Variants in PIK3C2G observed in about 807,000 individuals in gnomAD.
PIK3C2G encodes the protein phosphatidylinositol 3-kinase C2 domain-containing subunit gamma.
A neutral mutation model predicts 181.1 loss-of-function variants in PIK3C2G; 168 were observed. That is an observed-to-expected ratio of 0.93 (90% CI 0.82 to 1.05). The LOEUF (loss-of-function observed/expected upper bound fraction) is 1.05. PIK3C2G is among the 50% of genes least tolerant of loss of function. The pLI is 0.00. For missense variants in PIK3C2G, 1,869 were observed against 1,732.8 expected (o/e 1.08, Z -1.40); for synonymous variants, 573 against 592.2 (o/e 0.97, Z 0.47).
chr12:18,664,352 G>A, the PIK3C2G span, among the ~76,000 whole-genome samples: 4 of 152,142 alleles, frequency 2.6e-5, no homozygotes, highest in African/African-American at 9.7e-5. Context: ...GTTCTCAATA[G>A]CTTGGGGAGT....
chr12:18,408,588 C>T (rs1362226293), intron 16 of PIK3C2G, among the ~76,000 whole-genome samples: 1 of 152,068 alleles, frequency 6.6e-6, no homozygotes, highest in Non-Finnish European at 1.5e-5. Context: ...AGAGCTTCTG[C>T]ACAGCAAAAG....
intron 28 of PIK3C2G, among the ~76,000 whole-genome samples, chr12:18,564,955 C>T (rs1945547451): frequency 6.6e-6 from 1 of 152,156 alleles, no homozygotes; most frequent in African/African-American, 2.4e-5. Flanking sequence ...TAATCTATCT[C>T]AATTGGCCTC....
chr12:18,282,503 T>C lies in PIK3C2G; in HGVS notation c.422T>C (p.Phe141Ser). The change falls in exon 2 of 33, where the codon TTC becomes TCC. Residue 141 changes from phenylalanine (F) to serine (S), a missense_variant. Transcript: ENST00000538779. ...GKHHGADDSR[F>S]SILAPSFTSL... is the part of the protein sequence containing the mutation. ...CATCATGGTGCTGATGATTCCAGAT[T>C]CAGTATTTTAGCTCCATCATTCACA... 1 of 1,612,416 alleles carries C rather than the reference T, an allele frequency of 6.2e-7. No homozygotes were observed. Among genetic ancestry groups the C allele is most frequent in the Non-Finnish European group, 8.5e-7 (1 of 1,178,744 alleles).
Position 18,570,524 on chromosome 12 carries a change from T to G in PIK3C2G, c.4011+3467T>G, listed in dbSNP as rs1339787591. ...TGTGCCCAGCCTGAGATGCACACTT[T>G]ATTAATACACACACTCAAGCAGCAA... On this transcript the variant is annotated intron_variant, in intron 29 of 32. Coordinates refer to ENST00000538779, the MANE Select transcript of PIK3C2G (RefSeq NM_001288772.2). 3.3e-5 allele frequency among the ~76,000 whole-genome samples: 5 copies of G among 150,186 alleles called. 1 individual carries two copies. Among genetic ancestry groups the G allele is most frequent in the African/African-American group, 1.3e-4 (5 of 39,980 alleles).
At chr12:18,288,559 A>AG (rs1257434487) in intron 3 of PIK3C2G, among the ~76,000 whole-genome samples, 1 of 152,210 alleles carries the variant, frequency 6.6e-6, no homozygotes, top group Non-Finnish European at 1.5e-5. Context: ...AATTCTAAAT[A>AG]GTACTTAGGA....
chr12:18,604,234 G>A (rs764819315), intron 30 of PIK3C2G, among the ~76,000 whole-genome samples: 1 of 152,154 alleles, frequency 6.6e-6, no homozygotes, highest in Non-Finnish European at 1.5e-5. Context: ...AAAGCGAGCA[G>A]GGTTAGCTAT....
chr12:18,318,613 G>A (rs1264854647), intron 6 of PIK3C2G, among the ~76,000 whole-genome samples: 1 of 151,760 alleles, frequency 6.6e-6, no homozygotes, highest in East Asian at 1.9e-4. Context: ...ATAATACTAG[G>A]AATATGACTA....
chr12:18,705,791 G>A, the PIK3C2G span, among the ~76,000 whole-genome samples: 6 of 152,000 alleles, frequency 3.9e-5, no homozygotes, highest in Admixed American at 6.6e-5. Context: ...ACTTGAACCC[G>A]GGAGGCAGAG....
chr12:18,636,768 G>C (rs1181483418), intron 31 of PIK3C2G, among the ~76,000 whole-genome samples: 3 of 152,132 alleles, frequency 2.0e-5, no homozygotes, highest in Non-Finnish European at 4.4e-5. Flanking sequence ...CCCAACCCCT[G>C]TGTCTTTCAA....
intron 18 of PIK3C2G, among the ~76,000 whole-genome samples, chr12:18,482,205 C>A (rs12817528): frequency 0.18 from 23,844 of 133,496 alleles, 2,336 homozygotes; most frequent in South Asian, 0.42. Context: ...TAGCCAAGAT[C>A]TAGCTTAGGA....
At chr12:18,539,764 C>A (rs187459094) in intron 25 of PIK3C2G, among the ~76,000 whole-genome samples, 1 of 151,928 alleles carries the variant, frequency 6.6e-6, no homozygotes, top group East Asian at 1.9e-4. Flanking sequence ...TCCACTTTGC[C>A]TTGAAAGATA....
chr12:18,382,267 T>C (rs1383284905), intron 14 of PIK3C2G, among the ~76,000 whole-genome samples: 3 of 152,192 alleles, frequency 2.0e-5, no homozygotes, highest in Admixed American at 6.5e-5. Context: ...TAAAATCTCT[T>C]CTGTTATATG....
chr12:18,698,461 T>C, the PIK3C2G span, among the ~76,000 whole-genome samples: 5 of 152,150 alleles, frequency 3.3e-5, no homozygotes, highest in African/African-American at 1.2e-4. Flanking sequence ...AGTTAGAGAA[T>C]ATGAACTAAA....
rs1353162233 is a variant in PIK3C2G at position 18,395,084 on chromosome 12, C to CTTTCTTTCT, written c.2126+3834_2126+3835insTCTTTCTTT. 7.5e-4 allele frequency among the ~76,000 whole-genome samples: 106 copies of CTTTCTTTCT among 141,580 alleles called. 2 individuals carry two copies. Among genetic ancestry groups the CTTTCTTTCT allele is most frequent in the Admixed American group, 6.8e-3 (94 of 13,844 alleles). 92.9% of individuals were successfully genotyped at this position (141,580 alleles called of 152,430 possible). ...CCTTCTTTCCCTGCCTCTTTCATTC[C>CTTTCTTTCT]TTCTTTCTTTCTTTCTTTCATTCTT... On this transcript the variant is annotated intron_variant, in intron 15 of 32. Transcript: ENST00000538779.
Position 18,391,222 on chromosome 12 carries a change from C to A in PIK3C2G, c.2096C>A (p.Ala699Asp), listed in dbSNP as rs1029741425. ...EPLKECIKHI[A>D]RLSQKQTPLL... is the part of the protein sequence containing the mutation. ...CTAAAGGAGTGTATAAAACATATTG[C>A]CAGACTTTCACAGAAACAGACTCCC... Residue 699 changes from alanine to aspartate, a missense_variant, in exon 15 of 33, where the codon GCC (alanine) becomes GAC (aspartate). Physicochemically the swap from Ala to Asp is moderately radical, Grantham distance 126. Transcript: ENST00000538779. 3 of 1,599,242 alleles carry A rather than the reference C, an allele frequency of 1.9e-6. No individual in the cohort carries two copies. Among genetic ancestry groups the A allele is most frequent in the Middle Eastern group, 3.3e-4 (2 of 6,022 alleles).
intron 30 of PIK3C2G, among the ~76,000 whole-genome samples, chr12:18,596,281 G>T (rs1377100659): frequency 6.6e-6 from 1 of 151,892 alleles, no homozygotes; most frequent in Non-Finnish European, 1.5e-5. Context: ...TCTCCGAACT[G>T]CTAAAATTAT....
intron 30 of PIK3C2G, among the ~76,000 whole-genome samples, chr12:18,603,770 T>A (rs577802576): frequency 6.6e-6 from 1 of 152,246 alleles, no homozygotes; most frequent in South Asian, 2.1e-4. Context: ...CCAGCGAAAC[T>A]AAGCATCATT....
At chr12:18,305,343 TA>T (rs34817597) in intron 5 of PIK3C2G, among the ~76,000 whole-genome samples, 53,436 of 152,012 alleles carry the variant, frequency 0.35, 9,776 homozygotes, top group Non-Finnish European at 0.41. Context: ...CCAAGTTTTT[TA>T]AAAAGCTGAA....
chr12:18,718,811 T>C, the PIK3C2G span, among the ~76,000 whole-genome samples: 2 of 152,202 alleles, frequency 1.3e-5, no homozygotes, highest in Admixed American at 1.3e-4. Context: ...CACAGATAAA[T>C]GTAGCAGCTT....
Sources: gnomAD v4.1 joint callset for allele counts (sites outside exome capture counted in the v4.1 genomes callset) on GRCh38, gnomAD v4.1.1 for gene constraint, MANE v1.5 for transcripts, NCBI Gene and HGNC (gene_info 2026-07-23, HGNC 2026-07-21) for gene names.